The following CNTNAP2 variants were observed in gnomAD, a reference collection of about 807,000 sequenced individuals.
CNTNAP2 encodes contactin-associated protein-like 2.
Under a neutral mutation model 155.2 loss-of-function variants are expected in CNTNAP2, and 98 were observed. The ratio of observed to expected loss-of-function variants is 0.63; its 90% CI spans 0.54 to 0.75. CNTNAP2 has a LOEUF of 0.75. Ranked by LOEUF, CNTNAP2 falls within the 30% of genes least tolerant of loss-of-function variation. The pLI is 0.00. For missense variants in CNTNAP2, 1,727 were observed against 1,688.1 expected (o/e 1.02, Z -0.40); for synonymous variants, 651 against 631.2 (o/e 1.03, Z -0.47).
intron 1 of CNTNAP2, among the ~76,000 whole-genome samples, chr7:146,744,807 T>C (rs978498628): frequency 6.6e-6 from 1 of 152,184 alleles, no homozygotes; most frequent in Non-Finnish European, 1.5e-5. Context: ...TCTACAAGTA[T>C]GATTTTCCAC....
chr7:147,909,218 C>T (rs921326270), intron 14 of CNTNAP2, among the ~76,000 whole-genome samples: 4 of 152,048 alleles, frequency 2.6e-5, no homozygotes, highest in Non-Finnish European at 5.9e-5. Context: ...AGTGTTCTTC[C>T]ACAATATCAG....
chr7:146,403,104 C>G (rs1435425466), intron 1 of CNTNAP2, among the ~76,000 whole-genome samples: 1 of 152,104 alleles, frequency 6.6e-6, no homozygotes, highest in Non-Finnish European at 1.5e-5. Context: ...CATATTCACT[C>G]TATATGCATT....
chr7:147,453,672 C>G (rs1435669243), intron 10 of CNTNAP2, among the ~76,000 whole-genome samples: 1 of 152,098 alleles, frequency 6.6e-6, no homozygotes, highest in Non-Finnish European at 1.5e-5. Context: ...CTTTTGTTTT[C>G]ACTGATGAGA....
chr7:147,522,126 G>T lies in CNTNAP2; in HGVS notation c.1777+36085G>T, dbSNP rs138150281. On this transcript the variant is annotated intron_variant, in intron 11 of 23. Transcript: ENST00000361727. ...AAGGGGCACAAGGAGTATCTCTGAG[G>T]CCTCTTTTATGAGGGCACTAATTCC... 3.1e-3 allele frequency among the ~76,000 whole-genome samples: 469 copies of T among 152,296 alleles called. 2 individuals are homozygous for T. Among genetic ancestry groups the T allele is most frequent in the African/African-American group, 0.011 (443 of 41,566 alleles).
chr7:146,953,893 T>A (rs1199312461), intron 3 of CNTNAP2, among the ~76,000 whole-genome samples: 1 of 151,996 alleles, frequency 6.6e-6, no homozygotes, highest in African/African-American at 2.4e-5. Context: ...AAATATTTAT[T>A]CTGTTTCAGC....
At chr7:148,232,550 G>A (rs1482933739) in intron 20 of CNTNAP2, among the ~76,000 whole-genome samples, 1 of 152,160 alleles carries the variant, frequency 6.6e-6, no homozygotes, top group Non-Finnish European at 1.5e-5. Flanking sequence ...ATATGAAACA[G>A]CCATATATTC....
intron 13 of CNTNAP2, among the ~76,000 whole-genome samples, chr7:147,721,415 A>C (rs1250507682): frequency 6.6e-6 from 1 of 152,080 alleles, no homozygotes. Context: ...AAAATTACTG[A>C]GACTTCTATA....
chr7:147,575,107 A>ATATGTATG lies in CNTNAP2; in HGVS notation c.1897+12851_1897+12852insATGTATGT, dbSNP rs1554406899. On this transcript the variant is annotated intron_variant, in intron 12 of 23. Transcript: ENST00000361727. Reference sequence around the variant, plus strand: ...CATATTCTCCCGGTCTTTGTGGGAAATGTGTGTGTGTGTGTGTGTGTGTGT... The same window carrying ATATGTATG: ...CATATTCTCCCGGTCTTTGTGGGAAATATGTATGTGTGTGTGTGTGTGTGTGTGTGTGT... Among the ~76,000 whole-genome samples, 166 of 94,142 alleles carry ATATGTATG rather than the reference A, an allele frequency of 1.8e-3. 3 individuals carry two copies. The highest frequency in any genetic ancestry group is 0.013 in the Middle Eastern group (2 of 152). The allele number at this position is 94,142 out of a possible 152,430, so 61.8% of individuals were successfully genotyped here.
chr7:146,714,507 A>G (rs914977638), intron 1 of CNTNAP2, among the ~76,000 whole-genome samples: 2 of 152,136 alleles, frequency 1.3e-5, no homozygotes, highest in African/African-American at 4.8e-5. Context: ...GTGAGATGAT[A>G]TTTTTTTGTA....
intron 1 of CNTNAP2, among the ~76,000 whole-genome samples, chr7:146,646,218 T>C (rs974584665): frequency 2.6e-5 from 4 of 152,118 alleles, no homozygotes; most frequent in Non-Finnish European, 5.9e-5. Context: ...AATCACATAA[T>C]GTAGTTCATG....
chr7:147,339,512 C>CA (rs1425315603), intron 9 of CNTNAP2, among the ~76,000 whole-genome samples: 1 of 152,156 alleles, frequency 6.6e-6, no homozygotes, highest in East Asian at 1.9e-4. Flanking sequence ...CACCAGACTC[C>CA]ATGAGCCAAA....
At chr7:146,186,397 C>G (rs907447543) in intron 1 of CNTNAP2, among the ~76,000 whole-genome samples, 1 of 152,066 alleles carries the variant, frequency 6.6e-6, no homozygotes, top group Admixed American at 6.6e-5. Flanking sequence ...AAGAATTATA[C>G]GCTTTAAATT....
chr7:146,668,154 C>A (rs1800231367), intron 1 of CNTNAP2, among the ~76,000 whole-genome samples: 1 of 148,510 alleles, frequency 6.7e-6, no homozygotes, highest in African/African-American at 2.6e-5. Context: ...CCTTCTACAC[C>A]TATTTTATTG....
chr7:148,246,278 T>A (rs1291668879), intron 20 of CNTNAP2, among the ~76,000 whole-genome samples: 1 of 152,220 alleles, frequency 6.6e-6, no homozygotes, highest in Non-Finnish European at 1.5e-5. Context: ...TACGTTGTTT[T>A]CTTTAATATC....
Position 147,780,295 on chromosome 7 carries a change from ATTGC to A in CNTNAP2, c.2099-123269_2099-123266del, listed in dbSNP as rs1388096865. 5.3e-5 allele frequency among the ~76,000 whole-genome samples: 8 copies of A among 152,322 alleles called. No individual in the cohort carries two copies. In the East Asian group the frequency reaches 1.5e-3, roughly 29 times the overall value. On this transcript the variant is annotated intron_variant, in intron 13 of 23. Transcript: ENST00000361727. ...AACATTCACGAGGCATTCTAGTATA[ATTGC>A]CAGTGGCTGCTTCACTATATACAGT...
intron 15 of CNTNAP2, among the ~76,000 whole-genome samples, chr7:148,089,936 CAATGG>C (rs906264692): frequency 6.6e-6 from 1 of 151,724 alleles, no homozygotes; most frequent in African/African-American, 2.4e-5. Context: ...ACACATATAC[CAATGG>C]AACAGAATAA....
chr7:147,956,334 C>T (rs1406888963), intron 14 of CNTNAP2, among the ~76,000 whole-genome samples: 1 of 149,466 alleles, frequency 6.7e-6, no homozygotes, highest in Non-Finnish European at 1.5e-5. Context: ...GAGATAAGCA[C>T]ATCAATCGAA....
At chr7:147,500,375 CTAGA>C (rs1798788800) in intron 11 of CNTNAP2, among the ~76,000 whole-genome samples, 1 of 152,050 alleles carries the variant, frequency 6.6e-6, no homozygotes, top group Non-Finnish European at 1.5e-5. Context: ...AGTTCTTATA[CTAGA>C]TAGATCCTAA....
chr7:146,305,148 G>T (rs1469302590), intron 1 of CNTNAP2, among the ~76,000 whole-genome samples: 1 of 151,998 alleles, frequency 6.6e-6, no homozygotes, highest in Non-Finnish European at 1.5e-5. Flanking sequence ...TCTCTACACT[G>T]TTTATTCTAA....
Sources: allele counts gnomAD v4.1 joint callset (sites outside exome capture counted in the v4.1 genomes callset), GRCh38; gene constraint gnomAD v4.1.1; transcripts MANE v1.5; gene names NCBI Gene and HGNC (gene_info 2026-07-23, HGNC 2026-07-21).